The following CAPG variants were observed in gnomAD, a reference collection of about 807,000 sequenced individuals.
CAPG encodes capping actin protein, gelsolin like.
Under a neutral mutation model 44.6 loss-of-function variants are expected in CAPG, and 32 were observed. That is an observed-to-expected ratio of 0.72 (90% CI 0.54 to 0.96). The LOEUF (loss-of-function observed/expected upper bound fraction) is 0.96. CAPG is among the 50% of genes least tolerant of loss of function. The pLI, the probability that CAPG is intolerant of heterozygous loss-of-function variation, is 0.00. For synonymous variants in CAPG, 175 were observed against 179.6 expected (o/e 0.97, Z 0.20); for missense variants, 412 against 438.3 (o/e 0.94, Z 0.54).
chr2:85,407,498 A>T (rs1687213973), intron 1 of CAPG, among the ~76,000 whole-genome samples: 1 of 151,954 alleles, frequency 6.6e-6, no homozygotes, highest in Admixed American at 6.6e-5. Context: ...GGAATGCTTG[A>T]GCTTAGGAGT....
At position 85,410,346 on chromosome 2, in the gene CAPG, G is replaced by C. The variant is rs957156383; in HGVS notation, c.-43C>G. On this transcript the variant is annotated 5_prime_UTR_variant, in exon 1 of 10. Coordinates refer to ENST00000263867, the MANE Select transcript of CAPG (RefSeq NM_001747.4). ...GCTTCGTAGGTTCGTCTTCCTTCCA[G>C]CCTGCCCCACCCGGCTTCTCACTTC... is the stretch of plus-strand genomic sequence containing the variant. The C allele has an allele frequency of 6.6e-6, 1 of 152,558 alleles. No individual in the cohort carries two copies. Among genetic ancestry groups the C allele is most frequent in the African/African-American group, 2.4e-5 (1 of 41,468 alleles). 9.5% of individuals were successfully genotyped at this position (152,558 alleles called of 1,614,324 possible). A position where few individuals can be genotyped will look rare whatever the true frequency, so the allele number is the denominator to read the frequency against.
intron 5 of CAPG, among the ~76,000 whole-genome samples, chr2:85,400,756 A>G (rs1686844544): frequency 6.6e-6 from 1 of 151,588 alleles, no homozygotes; most frequent in South Asian, 2.1e-4. Flanking sequence ...TGTCCCCCTT[A>G]AAGCCCTCAT....
intron 5 of CAPG, among the ~76,000 whole-genome samples, chr2:85,399,740 CTT>C (rs765588444): frequency 3.9e-4 from 50 of 127,542 alleles, no homozygotes; most frequent in Admixed American, 7.1e-4. Flanking sequence ...CTTTCTTTTT[CTT>C]TTTTTTTTTT....
At chr2:85,410,296 A>T (rs1687363274) in intron 1 of CAPG, 21 bp downstream of exon 1, 1 of 152,374 alleles carries the variant, frequency 6.6e-6, no homozygotes, top group Non-Finnish European at 1.5e-5. Context: ...CAACACTCCT[A>T]CTTTCCTTTC....
In CAPG at chr2:85,402,800, T is replaced by A. The variant is rs572324713; in HGVS notation, c.-13-642A>T. Among the ~76,000 whole-genome samples, 3 of 149,920 alleles carry A rather than the reference T, an allele frequency of 2.0e-5. No homozygotes were observed. In the East Asian group the frequency reaches 5.9e-4, roughly 29 times the overall value. ...CTTTTTTTTTTTTGGAGACAGAGTC[T>A]CACTCTGTCACTCAGGCTGGAGTGC... is the stretch of plus-strand genomic sequence containing the variant. On this transcript the variant is annotated intron_variant, in intron 1 of 9. Transcript: ENST00000263867.
At chr2:85,404,527 G>C (rs1382702148) in intron 1 of CAPG, among the ~76,000 whole-genome samples, 1 of 152,090 alleles carries the variant, frequency 6.6e-6, no homozygotes, top group African/African-American at 2.4e-5. Flanking sequence ...GAGGTGGGTG[G>C]ATCACGAGGT....
At chr2:85,412,679 C>T (rs1219717158), upstream of CAPG, among the ~76,000 whole-genome samples, 1 of 151,994 alleles carries the variant, frequency 6.6e-6, no homozygotes, top group Non-Finnish European at 1.5e-5. Flanking sequence ...CAAACATGCA[C>T]ATGTACCCCT....
upstream of CAPG, chr2:85,418,630 TCACACACGCACACA>T (rs1248684204): frequency 2.0e-4 from 29 of 141,560 alleles, no homozygotes; most frequent in African/African-American, 7.4e-4. Flanking sequence ...AAACACACAG[TCACACACGCACACA>T]CACACACGCG....
At position 85,401,954 on chromosome 2, in the gene CAPG, G is replaced by A. The variant is rs777215270; in HGVS notation, c.27C>T (p.Gly9=). The part of the protein sequence containing the change: MYTAIPQS[G]SPFPGSVQDP... ...CCTGCACTGAGCCTGGGAATGGAGAGCCACTGCGAGAAGAGAGAGGGTTGA... is the reference window on the plus strand; with the variant it reads ...CCTGCACTGAGCCTGGGAATGGAGAACCACTGCGAGAAGAGAGAGGGTTGA... Residue 9 remains glycine (G), a synonymous_variant, in exon 3 of 10, where the codon GGC becomes GGT. Coordinates refer to ENST00000263867, the MANE Select transcript of CAPG (RefSeq NM_001747.4). 19 of 1,614,056 alleles carry A rather than the reference G, an allele frequency of 1.2e-5. No individual in the cohort carries two copies. In the African/African-American group the frequency reaches 2.1e-4, roughly 18 times the overall value.
Position 85,395,250 on chromosome 2 carries a change from G to A in CAPG, c.981+288C>T, listed in dbSNP as rs1026834513. Reference sequence around the variant, plus strand: ...CCCCACGGGATGACTTGTGGACACTGTGCTGCGGCAGGAGGGGTGGCACCA... The same window carrying A: ...CCCCACGGGATGACTTGTGGACACTATGCTGCGGCAGGAGGGGTGGCACCA... On this transcript the variant is annotated intron_variant, in intron 9 of 9. Coordinates refer to ENST00000263867, the MANE Select transcript of CAPG (RefSeq NM_001747.4). This position sits in a 1 kb window ranked among gnomAD's most constrained non-coding sequence, Gnocchi z 4.3. Among the ~76,000 whole-genome samples the A allele has an allele frequency of 6.6e-6, 1 of 152,226 alleles. No homozygotes were observed. The highest frequency in any genetic ancestry group is 1.5e-5 in the Non-Finnish European group (1 of 68,038).
chr2:85,401,315 C>T lies in CAPG; in HGVS notation c.366G>A (p.Glu122=). Residue 122 remains glutamate (E), a synonymous_variant, in exon 5 of 10, where the codon GAG becomes GAA. Transcript: ENST00000263867. Reference sequence around the variant, plus strand: ...CTGTGGAGGTCTTGTGAAATGCTGACTCCACACCACCTTCCTGCAGCCCAG... The same window carrying T: ...CTGTGGAGGTCTTGTGAAATGCTGATTCCACACCACCTTCCTGCAGCCCAG... ...RGLKYQEGGV[E]SAFHKTSTGA... is the part of the protein sequence containing the mutation. 6.2e-7 allele frequency: 1 copy of T among 1,614,056 alleles called. No homozygotes were observed. Among genetic ancestry groups the T allele is most frequent in the Non-Finnish European group, 8.5e-7 (1 of 1,179,938 alleles).
intron 1 of CAPG, among the ~76,000 whole-genome samples, chr2:85,406,977 C>G (rs1218096955): frequency 6.7e-6 from 1 of 149,976 alleles, no homozygotes; most frequent in East Asian, 2.0e-4. Flanking sequence ...GCTGCCCAGG[C>G]TGGAGCGCAG....
At chr2:85,411,224 T>C (rs1687399336), upstream of CAPG, among the ~76,000 whole-genome samples, 1 of 152,236 alleles carries the variant, frequency 6.6e-6, no homozygotes, top group Admixed American at 6.5e-5. Flanking sequence ...GCCATGCTGA[T>C]GCCTCTCAGG....
Position 85,398,681 on chromosome 2 carries a change from G to A in CAPG, c.759+9C>T. 1.3e-6 allele frequency: 2 copies of A among 1,592,834 alleles called. No homozygotes were observed. Among genetic ancestry groups the A allele is most frequent in the Non-Finnish European group, 1.7e-6 (2 of 1,169,284 alleles). On this transcript the variant is annotated intron_variant, in intron 7 of 9. Transcript: ENST00000263867. ...CTGCCGGGTCCCAGGGCAGGCTTGG[G>A]GGGCCCACCTTATACAGAGCTGCGG... is the stretch of plus-strand genomic sequence containing the variant.
intron 1 of CAPG, among the ~76,000 whole-genome samples, chr2:85,405,294 C>T (rs546558382): frequency 2.4e-3 from 371 of 152,294 alleles, no homozygotes; most frequent in Non-Finnish European, 3.7e-3. Context: ...CTGTCGCTTT[C>T]ATAGGTTCCC....
intron 1 of CAPG, among the ~76,000 whole-genome samples, chr2:85,416,319 C>CA (rs918352610): frequency 6.6e-6 from 1 of 152,172 alleles, no homozygotes; most frequent in African/African-American, 2.4e-5. Context: ...ACTACCCTGC[C>CA]ATGTGGCCCT....
At chr2:85,405,769 T>C (rs944040746) in intron 1 of CAPG, among the ~76,000 whole-genome samples, 1 of 152,164 alleles carries the variant, frequency 6.6e-6, no homozygotes, top group African/African-American at 2.4e-5. Context: ...AGGGAAACTT[T>C]AACGTTTCTC....
chr2:85,403,886 C>CAAAAAAA (rs36054381), intron 1 of CAPG, among the ~76,000 whole-genome samples: 4 of 69,794 alleles, frequency 5.7e-5, no homozygotes, highest in African/African-American at 1.7e-4. Context: ...GACTCCATCT[C>CAAAAAAA]AAAAAAAAAA....
intron 1 of CAPG, among the ~76,000 whole-genome samples, chr2:85,404,654 A>G (rs1573185177): frequency 6.6e-6 from 1 of 152,124 alleles, no homozygotes; most frequent in East Asian, 1.9e-4. Flanking sequence ...AGGCTGAGGC[A>G]GGAGAATTGC....
Sources: gnomAD v4.1 joint callset for allele counts (sites outside exome capture counted in the v4.1 genomes callset) on GRCh38, gnomAD v4.1.1 for gene constraint, Gnocchi (gnomAD v3.1) non-coding constraint, MANE v1.5 for transcripts, NCBI Gene and HGNC (gene_info 2026-07-23, HGNC 2026-07-21) for gene names.